Variants in PLEKHM2 observed in about 807,000 individuals in gnomAD.
PLEKHM2 encodes pleckstrin homology domain-containing family M member 2.
A neutral mutation model predicts 116.3 loss-of-function variants in PLEKHM2; 77 were observed. That is an observed-to-expected ratio of 0.66 (90% CI 0.55 to 0.80). The LOEUF is 0.80. Ranked by LOEUF, PLEKHM2 falls within the 30% of genes least tolerant of loss-of-function variation. The pLI, the probability that PLEKHM2 is intolerant of heterozygous loss-of-function variation, is 0.00. For synonymous variants in PLEKHM2, 562 were observed against 571.0 expected, an observed-to-expected ratio of 0.98 and a Z score of 0.22; for missense variants, 1,183 against 1,354.9, an observed-to-expected ratio of 0.87 and a Z score of 1.99.
rs1640719594 is a variant in PLEKHM2, at chr1:15,684,510, G to GGC, written c.-48_-47insCG. 14 of 976,746 alleles carry GGC rather than the reference G, an allele frequency of 1.4e-5. No individual in the cohort carries two copies. The highest frequency in any genetic ancestry group is 1.8e-5 in the Non-Finnish European group (14 of 799,762). The allele number at this position is 976,746 out of a possible 1,614,324, so 60.5% of individuals were successfully genotyped here. A position where few individuals can be genotyped will look rare whatever the true frequency, so the allele number is the denominator to read the frequency against. On this transcript the variant is annotated 5_prime_UTR_variant, in exon 1 of 20. Transcript: ENST00000375799. ...GCCCCCGGCGCGGGAAGCGGCGGCG[G>GGC]GGCGGCGGCGGCGGTGGCGGTGGCG...
chr1:15,690,059 G>GTT (rs769556510), intron 1 of PLEKHM2, among the ~76,000 whole-genome samples: 8 of 137,180 alleles, frequency 5.8e-5, no homozygotes, highest in Non-Finnish European at 1.1e-4. Context: ...CCCAGCCGAG[G>GTT]TTTTTTTTTT....
intron 1 of PLEKHM2, among the ~76,000 whole-genome samples, chr1:15,713,761 G>A (rs369148778): frequency 1.3e-5 from 2 of 151,430 alleles, no homozygotes; most frequent in African/African-American, 4.9e-5. Context: ...TCAGCCTCCC[G>A]AATAGCTGGG....
intron 1 of PLEKHM2, among the ~76,000 whole-genome samples, chr1:15,711,128 A>G (rs1641323023): frequency 1.3e-5 from 2 of 152,168 alleles, no homozygotes; most frequent in Admixed American, 1.3e-4. Context: ...TTGGGAGGCC[A>G]AGGCAGGAGG....
intron 1 of PLEKHM2, among the ~76,000 whole-genome samples, chr1:15,714,467 C>CT (rs1641401105): frequency 6.6e-6 from 1 of 151,642 alleles, no homozygotes; most frequent in African/African-American, 2.4e-5. Context: ...GCTTATTCCT[C>CT]TTTCTTTCAG....
At position 15,716,711 on chromosome 1, in the gene PLEKHM2, C is replaced by T. The variant is rs1641453722; in HGVS notation, c.172C>T (p.Gln58Ter). 1.3e-6 allele frequency: 2 copies of T among 1,565,470 alleles called. No homozygotes were observed. The highest frequency in any genetic ancestry group is 1.7e-6 in the Non-Finnish European group (2 of 1,154,746). Reference protein sequence around the residue: ...HLDHALLYGLQDLSSGYWVLV... With the variant: ...HLDHALLYGL ...GCTCCTGTCCTGTTTTCTCAGACTG[C>T]AAGACCTCTCCTCTGGCTACTGGGT... The change falls in exon 3 of 20, where the codon CAA (glutamine) becomes TAA (stop). Residue 58 changes from glutamine to a stop codon, truncating the protein, a stop_gained. Transcript: ENST00000375799. LOFTEE classifies it high-confidence loss of function.
Position 15,733,815 on chromosome 1 carries a change from G to A in PLEKHM2, c.2941G>A (p.Ala981Thr), listed in dbSNP as rs1370700143. The A allele has an allele frequency of 1.2e-6, 2 of 1,612,910 alleles. No individual in the cohort carries two copies. The highest frequency in any genetic ancestry group is 2.2e-5 in the East Asian group (1 of 44,886). The change falls in exon 20 of 20, where the codon GCG becomes ACG. Residue 981 changes from alanine to threonine, a missense_variant. Physicochemically the swap from Ala to Thr is moderately conservative, Grantham distance 58 (BLOSUM62 0). Transcript: ENST00000375799. The stretch of plus-strand genomic sequence containing the variant: ...AACACAGGTGGACCTCCCCCACACG[G>A]CGATCCAGGAAGCCTCCAACAAGAA... ...TIYQVDLPHT[A>T]IQEASNKKKF...
intron 17 of PLEKHM2, 75 bp downstream of exon 17, chr1:15,732,123 C>T: frequency 7.0e-7 from 1 of 1,422,134 alleles, no homozygotes; most frequent in South Asian, 1.3e-5. Flanking sequence ...ATCCCTAAAC[C>T]CATAGTCACA....
intron 8 of PLEKHM2, 140 bp downstream of exon 8, chr1:15,725,685 T>C (rs1393344870): frequency 4.8e-6 from 3 of 631,094 alleles, no homozygotes; most frequent in Non-Finnish European, 8.3e-6. Flanking sequence ...TTCCCACCTC[T>C]AGGAGGTTCT....
chr1:15,731,284 A>G lies in PLEKHM2; in HGVS notation c.2465+27A>G. 4 of 1,531,160 alleles carry G rather than the reference A, an allele frequency of 2.6e-6. 1 individual carries two copies. The highest frequency in any genetic ancestry group is 1.8e-6 in the Non-Finnish European group (2 of 1,124,402). The allele number at this position is 1,531,160 out of a possible 1,614,324, so 94.8% of individuals were successfully genotyped here. A position where few individuals can be genotyped will look rare whatever the true frequency, so the allele number is the denominator to read the frequency against. On this transcript the variant is annotated intron_variant, in intron 16 of 19. Coordinates refer to ENST00000375799, the MANE Select transcript of PLEKHM2 (RefSeq NM_015164.4). ...TAAGTGTCCCGGGAGAAGCGGGTGT[A>G]TCCTGGGGCCCAGAGCTGCCGTTTC...
intron 1 of PLEKHM2, among the ~76,000 whole-genome samples, chr1:15,705,099 C>T (rs954843911): frequency 6.8e-6 from 1 of 147,144 alleles, no homozygotes; most frequent in Admixed American, 6.8e-5. Context: ...CAGTGGCTGG[C>T]GGCACCCCCC....
chr1:15,729,205 C>T lies in PLEKHM2; in HGVS notation c.2075+15C>T, dbSNP rs373732057. On this transcript the variant is annotated intron_variant, in intron 13 of 19. Coordinates refer to ENST00000375799, the MANE Select transcript of PLEKHM2 (RefSeq NM_015164.4). The surrounding 1 kb of genome is among the most constrained non-coding windows in gnomAD (Gnocchi z 4.7). ...GCGCTGGCTGAGTGAGTGGCAACCC[C>T]GCCCCTCTGGAAGGATTGGAGAGTT... 123 of 1,597,360 alleles carry T rather than the reference C, an allele frequency of 7.7e-5. No homozygotes were observed. The highest frequency in any genetic ancestry group is 9.7e-5 in the Non-Finnish European group (113 of 1,170,900).
In PLEKHM2 at chr1:15,728,607, T is replaced by C; in HGVS notation, c.1922-62T>C. The C allele has an allele frequency of 7.0e-7, 1 of 1,432,782 alleles. No individual in the cohort carries two copies. Among genetic ancestry groups the C allele is most frequent in the Non-Finnish European group, 9.7e-7 (1 of 1,034,440 alleles). 88.8% of individuals were successfully genotyped at this position (1,432,782 alleles called of 1,614,324 possible). On this transcript the variant is annotated intron_variant, in intron 11 of 19. Transcript: ENST00000375799. The surrounding 1 kb of genome is among the most constrained non-coding windows in gnomAD (Gnocchi z 5.9). Reference sequence around the variant, plus strand: ...AGAGAGGGGGCTGTGTCTAAGAAAATGGGGCAGGGGGAGGGAAAAGAGGCC... The same window carrying C: ...AGAGAGGGGGCTGTGTCTAAGAAAACGGGGCAGGGGGAGGGAAAAGAGGCC...
At chr1:15,698,297 G>A (rs1286305940) in intron 1 of PLEKHM2, among the ~76,000 whole-genome samples, 5 of 152,000 alleles carry the variant, frequency 3.3e-5, no homozygotes, top group Non-Finnish European at 7.4e-5. Context: ...TCAAGCTCCT[G>A]GGCTAAAGCA....
intron 1 of PLEKHM2, among the ~76,000 whole-genome samples, chr1:15,685,243 G>A (rs923815030): frequency 1.3e-5 from 2 of 152,214 alleles, no homozygotes; most frequent in African/African-American, 4.8e-5. Flanking sequence ...CCTTGCTGTG[G>A]GGCTTGCCGC....
At chr1:15,692,365 CT>C (rs1640905653) in intron 1 of PLEKHM2, among the ~76,000 whole-genome samples, 1 of 152,198 alleles carries the variant, frequency 6.6e-6, no homozygotes, top group Non-Finnish European at 1.5e-5. Flanking sequence ...AGTGTGCCTT[CT>C]GCCTGCTCCT....
chr1:15,688,367 A>G (rs527380982), intron 1 of PLEKHM2, among the ~76,000 whole-genome samples: 13 of 152,288 alleles, frequency 8.5e-5, no homozygotes, highest in Non-Finnish European at 1.5e-4. Context: ...AATGATAACA[A>G]TAGGCCAGGC....
At chr1:15,688,808 C>A (rs1640828918) in intron 1 of PLEKHM2, among the ~76,000 whole-genome samples, 1 of 152,130 alleles carries the variant, frequency 6.6e-6, no homozygotes, top group African/African-American at 2.4e-5. Flanking sequence ...ACAGCTTTGG[C>A]ATTTTTGAAT....
intron 1 of PLEKHM2, among the ~76,000 whole-genome samples, chr1:15,705,829 C>T (rs1000524129): frequency 3.3e-5 from 5 of 152,116 alleles, no homozygotes; most frequent in Non-Finnish European, 4.4e-5. Context: ...TGGTGGCTCA[C>T]GCCTGTAATC....
At position 15,729,376 on chromosome 1, in the gene PLEKHM2, TGTG is replaced by T. The variant is rs1385912816; in HGVS notation, c.2075+189_2075+191del. ...AAGTAGACGACAATCATAGGACTCA[TGTG>T]GTCAGCCCAGGTGACCTCAGCCCCT... is the stretch of plus-strand genomic sequence containing the variant. On this transcript the variant is annotated intron_variant, in intron 13 of 19. Coordinates refer to ENST00000375799, the MANE Select transcript of PLEKHM2 (RefSeq NM_015164.4). The surrounding 1 kb of genome is among the most constrained non-coding windows in gnomAD (Gnocchi z 4.7). Among the ~76,000 whole-genome samples, 1 of 151,962 alleles carries T rather than the reference TGTG, an allele frequency of 6.6e-6. No homozygotes were observed. Among genetic ancestry groups the T allele is most frequent in the Non-Finnish European group, 1.5e-5 (1 of 67,962 alleles).
Sources: allele counts gnomAD v4.1 joint callset (sites outside exome capture counted in the v4.1 genomes callset), GRCh38; gene constraint gnomAD v4.1.1; non-coding constraint Gnocchi (gnomAD v3.1); transcripts MANE v1.5; gene names NCBI Gene and HGNC (gene_info 2026-07-23, HGNC 2026-07-21).